Variants in UGT1A8 observed in about 807,000 individuals in gnomAD.
UGT1A8 encodes the protein UDP-glucuronosyltransferase 1A8.
UGT1A8 carries 39 observed loss-of-function variants against 45.3 expected under a neutral mutation model. That is an observed-to-expected ratio of 0.86 (90% confidence interval 0.67 to 1.12). UGT1A8 has a LOEUF of 1.12. UGT1A8 is among the 50% of genes most tolerant of loss of function. The probability of loss-of-function intolerance (pLI) is 0.00; values close to 1 mark genes in which losing one functional copy is unlikely to be tolerated. For synonymous variants in UGT1A8, 275 were observed against 249.2 expected (o/e 1.10, Z -0.97); for missense variants, 719 against 664.9 (o/e 1.08, Z -0.90).
chr2:233,695,432 CTTCT>C (rs1351238624), intron 1 of UGT1A8, among the ~76,000 whole-genome samples: 3 of 151,108 alleles, frequency 2.0e-5, no homozygotes, highest in Non-Finnish European at 1.5e-5. Flanking sequence ...CCTTCTTCTT[CTTCT>C]TTTTTTTTTG....
chr2:233,643,727 G>A (rs751397824), intron 1 of UGT1A8, among the ~76,000 whole-genome samples: 11 of 152,134 alleles, frequency 7.2e-5, no homozygotes, highest in Non-Finnish European at 1.5e-4. Context: ...TTTCACTGCT[G>A]GTATTCAGGT....
At chr2:233,618,693 T>A (rs1559310704) in intron 1 of UGT1A8, 131 bp downstream of exon 1, 10 of 1,492,620 alleles carry the variant, frequency 6.7e-6, no homozygotes, top group Non-Finnish European at 8.9e-6. Context: ...AACAGATTAT[T>A]TTGTGCCAAT....
At chr2:233,629,052 T>C (rs2073141929) in intron 1 of UGT1A8, among the ~76,000 whole-genome samples, 1 of 152,062 alleles carries the variant, frequency 6.6e-6, no homozygotes, top group African/African-American at 2.4e-5. Flanking sequence ...AACACCACCA[T>C]TCATCTCTAG....
intron 1 of UGT1A8, among the ~76,000 whole-genome samples, chr2:233,647,644 C>A (rs909629858): frequency 6.6e-6 from 1 of 152,196 alleles, no homozygotes; most frequent in African/African-American, 2.4e-5. Context: ...AGAAATTTGT[C>A]CATTCCATCT....
chr2:233,725,909 C>T (rs2077482916), intron 1 of UGT1A8, among the ~76,000 whole-genome samples: 1 of 152,102 alleles, frequency 6.6e-6, no homozygotes, highest in Admixed American at 6.5e-5. Flanking sequence ...CTCACACCTG[C>T]AATTTCAGCC....
chr2:233,705,070 A>G (rs1441909473), intron 1 of UGT1A8, among the ~76,000 whole-genome samples: 1 of 151,246 alleles, frequency 6.6e-6, no homozygotes. Flanking sequence ...CGGGAGGCGG[A>G]GGTTGCAGAG....
At chr2:233,659,271 T>C (rs1261761060) in intron 1 of UGT1A8, among the ~76,000 whole-genome samples, 1 of 152,190 alleles carries the variant, frequency 6.6e-6, no homozygotes, top group Non-Finnish European at 1.5e-5. Flanking sequence ...TCGCAGGTAG[T>C]CTAAAATCCA....
In UGT1A8 at chr2:233,670,820, G is replaced by C. The variant is rs114041331; in HGVS notation, c.855+52258G>C. Among the ~76,000 whole-genome samples the C allele has an allele frequency of 3.0e-3, 457 of 152,272 alleles. 3 individuals are homozygous for C. The highest frequency in any genetic ancestry group is 0.01 in the African/African-American group (435 of 41,546). On this transcript the variant is annotated intron_variant, in intron 1 of 4. Transcript: ENST00000373450. ...ATTGTCCAAAAATCAAAAGAACTTT[G>C]AAAGACCGTCTCTTACTGGCAAGAT...
At chr2:233,653,310 CATACAGGT>C (rs772456225) in intron 1 of UGT1A8, among the ~76,000 whole-genome samples, 1 of 152,200 alleles carries the variant, frequency 6.6e-6, no homozygotes, top group Non-Finnish European at 1.5e-5. Context: ...GTAATAATAA[CATACAGGT>C]ATCTTTGCAA....
chr2:233,675,552 T>C (rs1277922872), intron 1 of UGT1A8, among the ~76,000 whole-genome samples: 1 of 152,188 alleles, frequency 6.6e-6, no homozygotes, highest in Non-Finnish European at 1.5e-5. Flanking sequence ...ATTCTGGCTA[T>C]AGTCCAAGAT....
intron 1 of UGT1A8, among the ~76,000 whole-genome samples, chr2:233,694,152 C>T (rs1559347022): frequency 6.6e-6 from 1 of 152,148 alleles, no homozygotes; most frequent in Non-Finnish European, 1.5e-5. Flanking sequence ...AGAAATGTCC[C>T]AGTTCAAACA....
intron 1 of UGT1A8, among the ~76,000 whole-genome samples, chr2:233,700,747 GT>G (rs2075585152): frequency 6.6e-6 from 1 of 151,606 alleles, no homozygotes; most frequent in African/African-American, 2.4e-5. Flanking sequence ...TATACTTTAA[GT>G]TTTAGGGTAC....
intron 1 of UGT1A8, among the ~76,000 whole-genome samples, chr2:233,633,804 C>T (rs987932382): frequency 2.0e-4 from 31 of 151,922 alleles, no homozygotes; most frequent in Non-Finnish European, 4.1e-4. Flanking sequence ...GTGTCTCTAT[C>T]TCCTTCAGTT....
Position 233,693,352 on chromosome 2 carries a change from G to C in UGT1A8, c.856-73682G>C, listed in dbSNP as rs757976622. 15 of 1,614,056 alleles carry C rather than the reference G, an allele frequency of 9.3e-6. No homozygotes were observed. Among genetic ancestry groups the C allele is most frequent in the Admixed American group, 1.7e-5 (1 of 59,998 alleles). On this transcript the variant is annotated intron_variant, in intron 1 of 4. Transcript: ENST00000373450. ...CTCAGACAGAGTACAGGAATAACAT[G>C]ATTGTTATTGGCCTGTACTTCATCA...
In UGT1A8 at chr2:233,671,711, A is replaced by G. The variant is rs2074197533; in HGVS notation, c.855+53149A>G. 12 of 987,488 alleles carry G rather than the reference A, an allele frequency of 1.2e-5. No individual in the cohort carries two copies. The South Asian group carries it at 3.0e-4, about 25-fold the overall frequency. The allele number at this position is 987,488 out of a possible 1,614,324, so 61.2% of individuals were successfully genotyped here. A position where few individuals can be genotyped will look rare whatever the true frequency, so the allele number is the denominator to read the frequency against. ...ATGTTCTGCCCCCAAGGCAAAGACC[A>G]TAAGCTACTGTTGTCTGGAAAACAT... On this transcript the variant is annotated intron_variant, in intron 1 of 4. Coordinates refer to ENST00000373450, the MANE Select transcript of UGT1A8 (RefSeq NM_019076.5).
chr2:233,743,792 G>A (rs775660405), intron 1 of UGT1A8: 16 of 1,367,176 alleles, frequency 1.2e-5, no homozygotes, highest in East Asian at 4.6e-5. Context: ...TCTCCTCTCC[G>A]CTTCCTCCTT....
At chr2:233,748,791 G>A (rs576937034) in intron 1 of UGT1A8, among the ~76,000 whole-genome samples, 1 of 151,524 alleles carries the variant, frequency 6.6e-6, no homozygotes, top group Admixed American at 6.6e-5. Flanking sequence ...TACTTGGAAT[G>A]CTGAAATTAT....
intron 1 of UGT1A8, chr2:233,754,387 G>A: frequency 3.3e-6 from 1 of 304,284 alleles, no homozygotes; most frequent in East Asian, 8.4e-5. Flanking sequence ...ACAAACAGAG[G>A]TCCTATCCGT....
intron 1 of UGT1A8, among the ~76,000 whole-genome samples, chr2:233,745,292 C>G (rs13426130): frequency 6.6e-6 from 1 of 151,882 alleles, no homozygotes. Context: ...TGGGGATAAA[C>G]GTGGGATGCA....
Sources: allele counts gnomAD v4.1 joint callset (sites outside exome capture counted in the v4.1 genomes callset), GRCh38; gene constraint gnomAD v4.1.1; transcripts MANE v1.5; gene names NCBI Gene and HGNC (gene_info 2026-07-23, HGNC 2026-07-21).